NRXN1: variants seen among roughly 807,000 people sequenced by gnomAD.
NRXN1 encodes the protein neurexin-1.
NRXN1 carries 39 observed loss-of-function variants against 150.9 expected under a neutral mutation model. The ratio of observed to expected loss-of-function variants is 0.26; its 90% CI spans 0.20 to 0.34. NRXN1 has a LOEUF of 0.34. NRXN1 is among the 10% of genes least tolerant of loss of function. NRXN1 has a pLI of 1.00. For synonymous variants in NRXN1, 924 were observed against 757.0 expected (o/e 1.22, Z -3.62); for missense variants, 1,815 against 1,949.9 (o/e 0.93, Z 1.30).
chr2:50,360,821 C>T (rs2079137169), intron 17 of NRXN1, among the ~76,000 whole-genome samples: 1 of 152,172 alleles, frequency 6.6e-6, no homozygotes, highest in Non-Finnish European at 1.5e-5. Context: ...TTCTTCTCAG[C>T]ACCACATTGC....
intron 8 of NRXN1, among the ~76,000 whole-genome samples, chr2:50,565,080 C>T (rs1421929554): frequency 6.6e-6 from 1 of 152,122 alleles, no homozygotes; most frequent in Non-Finnish European, 1.5e-5. Flanking sequence ...AGCCCAAATT[C>T]TCACACAACC....
intron 12 of NRXN1, among the ~76,000 whole-genome samples, chr2:50,514,319 A>C (rs1355649416): frequency 1.3e-5 from 2 of 152,222 alleles, no homozygotes; most frequent in Admixed American, 6.5e-5. Flanking sequence ...TAATTGAATT[A>C]GGAAGAGAAG....
chr2:50,483,753 T>C (rs1444252785), intron 15 of NRXN1, among the ~76,000 whole-genome samples: 1 of 152,240 alleles, frequency 6.6e-6, no homozygotes, highest in Non-Finnish European at 1.5e-5. Flanking sequence ...CTATTTTTAC[T>C]AAAACCCTTC....
chr2:50,526,100 T>C (rs1201044271), intron 12 of NRXN1, among the ~76,000 whole-genome samples: 3 of 152,180 alleles, frequency 2.0e-5, no homozygotes, highest in Non-Finnish European at 2.9e-5. Context: ...ACAAATGCTG[T>C]AAACTTGGCG....
At chr2:50,884,725 T>G (rs1679959680) in intron 5 of NRXN1, among the ~76,000 whole-genome samples, 1 of 151,742 alleles carries the variant, frequency 6.6e-6, no homozygotes, top group East Asian at 1.9e-4. Context: ...CACAGGTACA[T>G]ACAACTCTGC....
Position 50,198,413 on chromosome 2 carries a change from C to T in NRXN1, c.3546+38376G>A, listed in dbSNP as rs187951295. 4.7e-3 allele frequency among the ~76,000 whole-genome samples: 717 copies of T among 152,160 alleles called. 10 individuals are homozygous for T. Among genetic ancestry groups the T allele is most frequent in the South Asian group, 0.041 (198 of 4,816 alleles). On this transcript the variant is annotated intron_variant, in intron 18 of 22. Transcript: ENST00000401669. ...CTGCTCTAATATTTCACTCTAGCAC[C>T]ATCCCTATTACATCACACAACTTCC...
chr2:50,997,439 T>C (rs756928389), intron 2 of NRXN1, among the ~76,000 whole-genome samples: 4 of 106,180 alleles, frequency 3.8e-5, no homozygotes, highest in East Asian at 5.0e-4. Flanking sequence ...TGCAGGTTTT[T>C]AAAATTTTTT....
chr2:50,620,070 G>A lies in NRXN1; in HGVS notation c.1272C>T (p.Asp424=), dbSNP rs765652857. The change falls in exon 8 of 23, where the codon GAC becomes GAT. Residue 424 remains aspartate, a synonymous_variant. Transcript: ENST00000401669. ...FYVGGSPSTA[D]LPGSPVSNNF... ...TGTTACTGACTGGTGACCCTGGAAGGTCGGCTGTGCTGGGACTGCCTCCAA... is the reference window on the plus strand; with the variant it reads ...TGTTACTGACTGGTGACCCTGGAAGATCGGCTGTGCTGGGACTGCCTCCAA... 1.5e-5 allele frequency: 24 copies of A among 1,611,882 alleles called. No homozygotes were observed. The highest frequency in any genetic ancestry group is 2.0e-5 in the Non-Finnish European group (23 of 1,178,790).
chr2:50,355,272 T>C (rs2078711980), intron 17 of NRXN1, among the ~76,000 whole-genome samples: 1 of 121,102 alleles, frequency 8.3e-6, no homozygotes, highest in East Asian at 3.2e-4. Flanking sequence ...TATACACATA[T>C]ATACAATATT....
At chr2:50,873,529 A>T (rs561549977) in intron 5 of NRXN1, among the ~76,000 whole-genome samples, 1 of 151,960 alleles carries the variant, frequency 6.6e-6, no homozygotes, top group Non-Finnish European at 1.5e-5. Context: ...GCAGTTTTGG[A>T]GCAGCAGAGT....
chr2:50,942,306 G>C (rs1689583253), intron 2 of NRXN1, among the ~76,000 whole-genome samples: 1 of 152,200 alleles, frequency 6.6e-6, no homozygotes, highest in African/African-American at 2.4e-5. Context: ...ATGCAGAGAG[G>C]AAATATGGGG....
chr2:50,093,704 C>T (rs545268616), intron 18 of NRXN1, among the ~76,000 whole-genome samples: 12 of 152,192 alleles, frequency 7.9e-5, no homozygotes, highest in African/African-American at 2.6e-4. Flanking sequence ...CAAACACATA[C>T]GTAGGGCTCT....
At chr2:50,384,956 C>T (rs2081226828) in intron 17 of NRXN1, among the ~76,000 whole-genome samples, 1 of 152,130 alleles carries the variant, frequency 6.6e-6, no homozygotes, top group African/African-American at 2.4e-5. Flanking sequence ...GTGTTTTGAG[C>T]CACCTCCTAA....
intron 2 of NRXN1, chr2:51,009,237 T>C (rs1475146948): frequency 6.6e-6 from 1 of 151,920 alleles, no homozygotes; most frequent in African/African-American, 2.4e-5. Context: ...AGATATTCAG[T>C]TGTGAAACAC....
intron 19 of NRXN1, among the ~76,000 whole-genome samples, chr2:50,089,711 G>C (rs1013350404): frequency 2.0e-5 from 3 of 151,566 alleles, no homozygotes; most frequent in African/African-American, 7.3e-5. Flanking sequence ...GATCCTGTGA[G>C]CCCAGGAGTT....
chr2:50,311,625 T>C (rs1190739988), intron 17 of NRXN1, among the ~76,000 whole-genome samples: 9 of 152,134 alleles, frequency 5.9e-5, no homozygotes, highest in Non-Finnish European at 1.0e-4. Flanking sequence ...ATTATCTTCA[T>C]TGCTATCTCA....
chr2:50,345,312 T>C (rs1209401158), intron 17 of NRXN1, among the ~76,000 whole-genome samples: 3 of 152,128 alleles, frequency 2.0e-5, no homozygotes, highest in African/African-American at 7.2e-5. Flanking sequence ...TAGTTTTTCA[T>C]ATCTAACCAG....
At chr2:50,206,612 C>T (rs997382759) in intron 18 of NRXN1, among the ~76,000 whole-genome samples, 1 of 151,898 alleles carries the variant, frequency 6.6e-6, no homozygotes, top group Non-Finnish European at 1.5e-5. Flanking sequence ...TTAAAAATTA[C>T]CTGGAACTCC....
chr2:50,763,876 A>C (rs1406121134), intron 5 of NRXN1, among the ~76,000 whole-genome samples: 1 of 151,934 alleles, frequency 6.6e-6, no homozygotes, highest in East Asian at 1.9e-4. Flanking sequence ...GAATTATGAC[A>C]AATTTTAACT....
Sources: allele counts gnomAD v4.1 joint callset (sites outside exome capture counted in the v4.1 genomes callset), GRCh38; gene constraint gnomAD v4.1.1; transcripts MANE v1.5; gene names NCBI Gene and HGNC (gene_info 2026-07-23, HGNC 2026-07-21).